POLR2C: variants seen among roughly 807,000 people sequenced by gnomAD.
POLR2C encodes the protein RNA polymerase II subunit C.
A neutral mutation model predicts 41.7 loss-of-function variants in POLR2C; 36 were observed. The ratio of observed to expected loss-of-function variants is 0.86; its 90% CI spans 0.66 to 1.14. POLR2C has a LOEUF of 1.14. Among genes scored for constraint, POLR2C ranks in the 50% most tolerant of loss-of-function variants. The probability of loss-of-function intolerance (pLI) is 0.00; values close to 1 mark genes in which losing one functional copy is unlikely to be tolerated. For synonymous variants in POLR2C, 133 were observed against 137.8 expected (o/e 0.96, Z 0.25); for missense variants, 260 against 350.4 (o/e 0.74, Z 2.06).
intron 2 of POLR2C, among the ~76,000 whole-genome samples, chr16:57,464,774 AGTT>A (rs1357560272): frequency 2.0e-5 from 3 of 149,506 alleles, no homozygotes; most frequent in Non-Finnish European, 4.4e-5. Context: ...CAGGTGAGGG[AGTT>A]GTACTTCATG....
chr16:57,465,612 G>A, intron 2 of POLR2C: 1 of 239,606 alleles, frequency 4.2e-6, no homozygotes. Context: ...AATAGTTCAT[G>A]TTCTTGGATT....
rs1352134215 is a variant in POLR2C, at chr16:57,462,711, G to A, written c.-14G>A. 3 of 1,582,602 alleles carry A rather than the reference G, an allele frequency of 1.9e-6. No homozygotes were observed. The highest frequency in any genetic ancestry group is 1.1e-5 in the South Asian group (1 of 87,442). ...CCGCGGAGCAGACGCGGAGGCTGGT[G>A]GCCCCTGGGCGAGATGCCGTACGCC... On this transcript the variant is annotated 5_prime_UTR_variant, in exon 1 of 9. Transcript: ENST00000219252.
Position 57,462,782 on chromosome 16 carries a change from A to G in POLR2C, c.58A>G (p.Lys20Glu). 6.2e-7 allele frequency: 1 copy of G among 1,609,548 alleles called. No homozygotes were observed. Among genetic ancestry groups the G allele is most frequent in the Non-Finnish European group, 8.5e-7 (1 of 1,177,860 alleles). Residue 20 changes from lysine (K) to glutamate (E), a missense_variant, in exon 1 of 9, where the codon AAG (lysine) becomes GAG (glutamate). By Grantham distance (56) the Lys-to-Glu change is moderately conservative (BLOSUM62 1). Coordinates refer to ENST00000219252, the MANE Select transcript of POLR2C (RefSeq NM_032940.3). The part of the protein sequence containing the change: ...RITELTDENV[K>E]FIIENTDLAV... Reference sequence around the variant, plus strand: ...CACGGAGCTCACTGACGAGAATGTCAAGTTCATCATCGAGAACACCGACCT... The same window carrying G: ...CACGGAGCTCACTGACGAGAATGTCGAGTTCATCATCGAGAACACCGACCT...
chr16:57,463,093 T>A lies in POLR2C; in HGVS notation c.136+15T>A, dbSNP rs1476072406. ...TCCCATAATAGGTAAGCGACTCCCC[T>A]TCCTCGTTCCCGCGCCCACGGGTTC... is the stretch of plus-strand genomic sequence containing the variant. On this transcript the variant is annotated intron_variant, in intron 2 of 8. Coordinates refer to ENST00000219252, the MANE Select transcript of POLR2C (RefSeq NM_032940.3). 1 of 1,603,006 alleles carries A rather than the reference T, an allele frequency of 6.2e-7. No homozygotes were observed. The highest frequency in any genetic ancestry group is 1.1e-5 in the South Asian group (1 of 90,856).
chr16:57,471,223 G>C lies in POLR2C; in HGVS notation c.*104G>C. On this transcript the variant is annotated 3_prime_UTR_variant, in exon 9 of 9. Transcript: ENST00000219252. ...GTTTCTGAGAATCTAGTCTACTGTTGGTTGAGCTTCTTGGCAGGACATCAG... is the reference window on the plus strand; with the variant it reads ...GTTTCTGAGAATCTAGTCTACTGTTCGTTGAGCTTCTTGGCAGGACATCAG... 9.9e-7 allele frequency: 1 copy of C among 1,008,604 alleles called. No individual in the cohort carries two copies. The highest frequency in any genetic ancestry group is 1.5e-6 in the Non-Finnish European group (1 of 662,480). 62.5% of individuals were successfully genotyped at this position (1,008,604 alleles called of 1,614,324 possible). A position where few individuals can be genotyped will look rare whatever the true frequency, so the allele number is the denominator to read the frequency against.
chr16:57,462,979 G>A (rs752748380), intron 1 of POLR2C, 50 bp from the exon 2 acceptor site: 2 of 1,555,588 alleles, frequency 1.3e-6, no homozygotes, highest in Non-Finnish European at 1.8e-6. Flanking sequence ...CGCGGGCCCA[G>A]CCTGTCGAGG....
rs761474755 is a variant in POLR2C at position 57,469,995 on chromosome 16, G to C, written c.474G>C (p.Glu158Asp). ...ILIVKLRKGQ[E>D]LRLRAYAKKG... is the part of the protein sequence containing the mutation. Reference sequence around the variant, plus strand: ...TCGTCAAGTTGAGAAAGGGCCAGGAGCTGAGACTTCGAGCCTATGCCAAAA... The same window carrying C: ...TCGTCAAGTTGAGAAAGGGCCAGGACCTGAGACTTCGAGCCTATGCCAAAA... Residue 158 changes from glutamate (E) to aspartate (D), a missense_variant, in exon 7 of 9, where the codon GAG (glutamate) becomes GAC (aspartate). Transcript: ENST00000219252. The surrounding 1 kb of genome is among the most constrained non-coding windows in gnomAD (Gnocchi z 5.8). The C allele has an allele frequency of 4.3e-6, 7 of 1,614,126 alleles. No homozygotes were observed. In the Admixed American group the frequency reaches 1.2e-4, roughly 27 times the overall value.
Position 57,469,837 on chromosome 16 carries a change from C to A in POLR2C, c.439+76C>A. ...GACACAGCCTCTCGTGCTGCCTGGTCTCCTCGAAAATTGGCTTTAGACCGT... is the reference window on the plus strand; with the variant it reads ...GACACAGCCTCTCGTGCTGCCTGGTATCCTCGAAAATTGGCTTTAGACCGT... On this transcript the variant is annotated intron_variant, in intron 6 of 8. Transcript: ENST00000219252. This position sits in a 1 kb window ranked among gnomAD's most constrained non-coding sequence, Gnocchi z 5.8. The A allele has an allele frequency of 6.4e-7, 1 of 1,571,660 alleles. No individual in the cohort carries two copies. The highest frequency in any genetic ancestry group is 8.8e-7 in the Non-Finnish European group (1 of 1,142,290).
chr16:57,463,607 T>C (rs1467637196), intron 2 of POLR2C: 1 of 452,278 alleles, frequency 2.2e-6, no homozygotes, highest in Non-Finnish European at 4.4e-6. Flanking sequence ...TACCCAGTTT[T>C]AGCTCCCATG....
In POLR2C at chr16:57,466,795, C is replaced by G. The variant is rs562868125; in HGVS notation, c.258+568C>G. ...CGGTTACCTTCATCCTTTCACTAGGCTGCATTACACAGCAGCTTAAGGCTA... is the reference window on the plus strand; with the variant it reads ...CGGTTACCTTCATCCTTTCACTAGGGTGCATTACACAGCAGCTTAAGGCTA... On this transcript the variant is annotated intron_variant, in intron 4 of 8. Transcript: ENST00000219252. Among the ~76,000 whole-genome samples, 57 of 152,306 alleles carry G rather than the reference C, an allele frequency of 3.7e-4. 1 individual carries two copies. The highest frequency in any genetic ancestry group is 3.0e-3 in the Admixed American group (46 of 15,308).
At chr16:57,470,777 G>T (rs1243089979) in intron 8 of POLR2C, among the ~76,000 whole-genome samples, 198 bp from the exon 9 acceptor site, 2 of 152,200 alleles carry the variant, frequency 1.3e-5, no homozygotes, top group Non-Finnish European at 2.9e-5. Flanking sequence ...GGTAGTTGTA[G>T]CCTCCTTGAG....
At chr16:57,468,290 T>G (rs1312462871) in intron 4 of POLR2C, among the ~76,000 whole-genome samples, 1 of 152,238 alleles carries the variant, frequency 6.6e-6, no homozygotes, top group African/African-American at 2.4e-5. Flanking sequence ...GTGCTGGGAT[T>G]ATAGGCATGA....
Position 57,469,825 on chromosome 16 carries a change from G to T in POLR2C, c.439+64G>T, listed in dbSNP as rs115083052. The stretch of plus-strand genomic sequence containing the variant: ...AAGGAGGGACCAGACACAGCCTCTC[G>T]TGCTGCCTGGTCTCCTCGAAAATTG... On this transcript the variant is annotated intron_variant, in intron 6 of 8. Coordinates refer to ENST00000219252, the MANE Select transcript of POLR2C (RefSeq NM_032940.3). This position sits in a 1 kb window ranked among gnomAD's most constrained non-coding sequence, Gnocchi z 5.8. 6.4e-7 allele frequency: 1 copy of T among 1,573,714 alleles called. No homozygotes were observed. The highest frequency in any genetic ancestry group is 1.7e-5 in the Admixed American group (1 of 59,948).
intron 8 of POLR2C, 156 bp downstream of exon 8, chr16:57,470,510 T>G: frequency 1.7e-6 from 1 of 604,204 alleles, no homozygotes; most frequent in Non-Finnish European, 2.9e-6. Context: ...TATGTGCACA[T>G]CCCAGGGGCA....
intron 4 of POLR2C, among the ~76,000 whole-genome samples, chr16:57,468,255 G>A (rs1157679657): frequency 7.2e-5 from 11 of 152,116 alleles, no homozygotes; most frequent in African/African-American, 2.4e-4. Flanking sequence ...GGGCTCAAGC[G>A]ATCCTCCCAC....
chr16:57,465,161 G>C (rs900906484), intron 2 of POLR2C, among the ~76,000 whole-genome samples: 39 of 152,146 alleles, frequency 2.6e-4, no homozygotes, highest in African/African-American at 9.4e-4. Flanking sequence ...GCTTGGGTCA[G>C]GGTTCTCTCA....
At chr16:57,465,615 C>G in intron 2 of POLR2C, 1 of 239,380 alleles carries the variant, frequency 4.2e-6, no homozygotes, top group Non-Finnish European at 8.1e-6. Flanking sequence ...AGTTCATGTT[C>G]TTGGATTTAG....
intron 1 of POLR2C, 107 bp from the exon 2 acceptor site, chr16:57,462,922 C>G (rs1567582576): frequency 8.1e-7 from 1 of 1,230,732 alleles, no homozygotes; most frequent in Middle Eastern, 2.3e-4. Flanking sequence ...CGATGTCCTT[C>G]CAGAGCTGCC....
rs779917583 is a variant in POLR2C, at chr16:57,469,749, G to A, written c.427G>A (p.Val143Met). The change falls in exon 6 of 9, where the codon GTG becomes ATG. Residue 143 changes from valine to methionine, a missense_variant. Physicochemically the swap from Val to Met is conservative, Grantham distance 21. Coordinates refer to ENST00000219252, the MANE Select transcript of POLR2C (RefSeq NM_032940.3). The surrounding 1 kb of genome is among the most constrained non-coding windows in gnomAD (Gnocchi z 5.8). ...RNRDNDPNDY[V>M]EQDDILIVKL... ...CCGAGATAATGACCCCAATGACTAC[G>A]TGGAGCAGGATGGTAAGTCTTCCTG... is the stretch of plus-strand genomic sequence containing the variant. 4 of 1,613,962 alleles carry A rather than the reference G, an allele frequency of 2.5e-6. No individual in the cohort carries two copies. The highest frequency in any genetic ancestry group is 2.2e-5 in the East Asian group (1 of 44,880).
Sources: allele counts gnomAD v4.1 joint callset (sites outside exome capture counted in the v4.1 genomes callset), GRCh38; gene constraint gnomAD v4.1.1; non-coding constraint Gnocchi (gnomAD v3.1); transcripts MANE v1.5; gene names NCBI Gene and HGNC (gene_info 2026-07-23, HGNC 2026-07-21).